TBC1D22B: variants seen among roughly 807,000 people sequenced by gnomAD.
TBC1D22B encodes TBC1 domain family member 22B, also known as chromosome 6 open reading frame 197.
Under a neutral mutation model 69.1 loss-of-function variants are expected in TBC1D22B, and 32 were observed. That is an observed-to-expected ratio of 0.46 (90% CI 0.35 to 0.62). The LOEUF (loss-of-function observed/expected upper bound fraction) is 0.62. Among genes scored for constraint, TBC1D22B ranks in the 20% least tolerant of loss-of-function variants. The probability of loss-of-function intolerance (pLI) is 0.00; values close to 1 mark genes in which losing one functional copy is unlikely to be tolerated. For missense variants in TBC1D22B, 462 were observed against 630.9 expected (o/e 0.73, Z 2.87); for synonymous variants, 206 against 229.8 (o/e 0.90, Z 0.94).
intron 8 of TBC1D22B, among the ~76,000 whole-genome samples, chr6:37,310,497 C>T (rs1005865764): frequency 6.6e-6 from 1 of 151,996 alleles, no homozygotes; most frequent in African/African-American, 2.4e-5. Flanking sequence ...GGTGAAACCC[C>T]GTCGCTACTG....
At chr6:37,318,356 A>G (rs1316426675) in intron 12 of TBC1D22B, among the ~76,000 whole-genome samples, 1 of 152,188 alleles carries the variant, frequency 6.6e-6, no homozygotes, top group Non-Finnish European at 1.5e-5. Flanking sequence ...GGATGGCTTT[A>G]TGGTTTATGG....
chr6:37,312,038 A>C (rs565911381), intron 8 of TBC1D22B, among the ~76,000 whole-genome samples: 2 of 152,352 alleles, frequency 1.3e-5, no homozygotes, highest in South Asian at 4.1e-4. Flanking sequence ...CAGACGAGAC[A>C]GATTCTCACT....
intron 12 of TBC1D22B, among the ~76,000 whole-genome samples, chr6:37,323,743 T>G (rs1287096219): frequency 1.3e-5 from 2 of 152,242 alleles, no homozygotes; most frequent in African/African-American, 4.8e-5. Flanking sequence ...CATTGCCGAA[T>G]GGAGGCCCTG....
Position 37,321,616 on chromosome 6 carries a change from C to T in TBC1D22B, c.1389+4410C>T, listed in dbSNP as rs1351571994. ...CCTGCTGCCCTTTCATGCTCTCCCT[C>T]CAAGTGGCCTGAAATCACCTAACAC... On this transcript the variant is annotated intron_variant, in intron 12 of 12. Transcript: ENST00000373491. Among the ~76,000 whole-genome samples the T allele has an allele frequency of 2.0e-5, 3 of 152,340 alleles. No homozygotes were observed. The East Asian group carries it at 5.8e-4, about 29-fold the overall frequency.
At chr6:37,264,540 G>T (rs957804267) in intron 1 of TBC1D22B, among the ~76,000 whole-genome samples, 1 of 152,164 alleles carries the variant, frequency 6.6e-6, no homozygotes, top group Admixed American at 6.5e-5. Context: ...CGAACTGCTG[G>T]ACTCAAGTGA....
intron 12 of TBC1D22B, among the ~76,000 whole-genome samples, chr6:37,318,062 A>G (rs1768132159): frequency 6.6e-6 from 1 of 152,190 alleles, no homozygotes; most frequent in Non-Finnish European, 1.5e-5. Flanking sequence ...AGTAGAGGAG[A>G]GTGGCACAAT....
intron 6 of TBC1D22B, among the ~76,000 whole-genome samples, chr6:37,284,731 A>T (rs1456302569): frequency 6.6e-6 from 1 of 152,224 alleles, no homozygotes; most frequent in East Asian, 1.9e-4. Context: ...TCTTGATAAG[A>T]TCTCACCTAG....
chr6:37,258,454 T>A (rs1053586708), intron 1 of TBC1D22B, among the ~76,000 whole-genome samples: 6 of 152,188 alleles, frequency 3.9e-5, no homozygotes, highest in African/African-American at 1.4e-4. Flanking sequence ...CCGAGAGGGT[T>A]AGGCAGGAAA....
chr6:37,329,537 T>G (rs912697843), intron 12 of TBC1D22B, among the ~76,000 whole-genome samples: 1 of 152,236 alleles, frequency 6.6e-6, no homozygotes, highest in African/African-American at 2.4e-5. Flanking sequence ...CCATGTGCAT[T>G]TCTTATTTTG....
At chr6:37,277,822 A>C (rs1766712337) in intron 2 of TBC1D22B, among the ~76,000 whole-genome samples, 1 of 152,064 alleles carries the variant, frequency 6.6e-6, no homozygotes, top group Non-Finnish European at 1.5e-5. Flanking sequence ...AATAGAAAAC[A>C]ACATTTGTTA....
rs768932490 is a variant in TBC1D22B at position 37,287,030 on chromosome 6, G to A, written c.825G>A (p.Thr275=). The A allele has an allele frequency of 5.0e-6, 8 of 1,603,290 alleles. No individual in the cohort carries two copies. The highest frequency in any genetic ancestry group is 1.4e-5 in the African/African-American group (1 of 73,972). The change falls in exon 7 of 13, where the codon ACG becomes ACA. Residue 275 remains threonine (T), a synonymous_variant. Transcript: ENST00000373491. ...YRQIHIDIPR[T]NPLIPLFQQP... is the part of the protein sequence containing the mutation. ...AGATTCACATTGACATTCCAAGGAC[G>A]AATCCTCTCATTCCGTTGTTCCAGC... is the stretch of plus-strand genomic sequence containing the variant.
At chr6:37,287,248 A>G (rs964362792) in intron 7 of TBC1D22B, among the ~76,000 whole-genome samples, 176 bp downstream of exon 7, 1 of 152,356 alleles carries the variant, frequency 6.6e-6, no homozygotes, top group South Asian at 2.1e-4. Flanking sequence ...TGTGAGCGGA[A>G]TAACACTTTG....
rs1767685907 is a variant in TBC1D22B at position 37,305,525 on chromosome 6, T to TC, written c.983-7393_983-7392insC. The stretch of plus-strand genomic sequence containing the variant: ...CCTAGATTAGTTTTGCCTATTTCCT[T>TC]TTTTTTTTTTGAGACGGAGTGTTGC... On this transcript the variant is annotated intron_variant, in intron 8 of 12. Transcript: ENST00000373491. Among the ~76,000 whole-genome samples the TC allele has an allele frequency of 7.8e-5, 11 of 140,142 alleles. No homozygotes were observed. The South Asian group carries it at 2.3e-3, about 30-fold the overall frequency. 91.9% of individuals were successfully genotyped at this position (140,142 alleles called of 152,430 possible).
At chr6:37,315,992 G>A (rs7762309) in intron 10 of TBC1D22B, among the ~76,000 whole-genome samples, 4,837 of 152,244 alleles carry the variant, frequency 0.032, 241 homozygotes, top group African/African-American at 0.11. Flanking sequence ...AACCCTCTGA[G>A]GTGTGAATGA....
At chr6:37,293,748 G>T (rs943914464) in intron 8 of TBC1D22B, among the ~76,000 whole-genome samples, 3 of 152,218 alleles carry the variant, frequency 2.0e-5, no homozygotes, top group Admixed American at 6.5e-5. Flanking sequence ...TGCCTCTTGT[G>T]CCAGCATGCC....
At chr6:37,287,126 A>G in intron 7 of TBC1D22B, 54 bp downstream of exon 7, 6 of 1,474,936 alleles carry the variant, frequency 4.1e-6, no homozygotes, top group Non-Finnish European at 5.5e-6. Context: ...GTTCTGTGGC[A>G]CCTGTTTACA....
intron 8 of TBC1D22B, among the ~76,000 whole-genome samples, chr6:37,292,276 T>C (rs1311597649): frequency 1.3e-5 from 2 of 152,082 alleles, no homozygotes; most frequent in Non-Finnish European, 2.9e-5. Context: ...TTGGAGGGGT[T>C]AGAGGGTTGG....
Position 37,282,200 on chromosome 6 carries a change from G to A in TBC1D22B, c.437G>A (p.Arg146Lys). ...ATGATCTCAGGTGATACATGCCTGA[G>A]GAACCCACTCCACAAACAGCAATCA... is the stretch of plus-strand genomic sequence containing the variant. ...LSRNSSDTCL[R>K]NPLHKQQSLP... is the part of the protein sequence containing the mutation. The change falls in exon 4 of 13, where the codon AGG becomes AAG. Residue 146 changes from arginine (R) to lysine (K), a missense_variant. By Grantham distance (26) the Arg-to-Lys change is conservative. Coordinates refer to ENST00000373491, the MANE Select transcript of TBC1D22B (RefSeq NM_017772.4). The A allele has an allele frequency of 1.9e-6, 3 of 1,614,094 alleles. No individual in the cohort carries two copies. Among genetic ancestry groups the A allele is most frequent in the Non-Finnish European group, 2.5e-6 (3 of 1,180,012 alleles).
intron 7 of TBC1D22B, among the ~76,000 whole-genome samples, chr6:37,287,947 G>A (rs1348263897): frequency 6.6e-6 from 1 of 152,142 alleles, no homozygotes; most frequent in Admixed American, 6.5e-5. Flanking sequence ...GTACATGGAA[G>A]GTGTCAGTGG....
Sources: gnomAD v4.1 joint callset for allele counts (sites outside exome capture counted in the v4.1 genomes callset) on GRCh38, gnomAD v4.1.1 for gene constraint, MANE v1.5 for transcripts, NCBI Gene and HGNC (gene_info 2026-07-23, HGNC 2026-07-21) for gene names.